The following ATXN2 variants were observed in gnomAD, a reference collection of about 807,000 sequenced individuals.
ATXN2 encodes ataxin-2.
ATXN2 carries 37 observed loss-of-function variants against 138.6 expected under a neutral mutation model. The ratio of observed to expected loss-of-function variants is 0.27; its 90% confidence interval spans 0.21 to 0.35. ATXN2 has a LOEUF of 0.35. Ranked by LOEUF, ATXN2 falls within the 10% of genes least tolerant of loss-of-function variation. The pLI is 1.00. For missense variants in ATXN2, 1,216 were observed against 1,480.3 expected (o/e 0.82, Z 2.93); for synonymous variants, 549 against 543.7 (o/e 1.01, Z -0.13).
chr12:111,456,740 G>A (rs987316834), intron 22 of ATXN2, among the ~76,000 whole-genome samples: 6 of 152,018 alleles, frequency 3.9e-5, no homozygotes, highest in Non-Finnish European at 8.8e-5. Flanking sequence ...TATCTTAAAT[G>A]TGATTTTTTT....
At chr12:111,597,140 G>C (rs1228522155) in intron 1 of ATXN2, among the ~76,000 whole-genome samples, 1 of 135,206 alleles carries the variant, frequency 7.4e-6, no homozygotes, top group Non-Finnish European at 1.6e-5. Context: ...GGATGCTTCA[G>C]ACTCAGAGAA....
chr12:111,597,323 G>A (rs1283446398), intron 1 of ATXN2, among the ~76,000 whole-genome samples: 3 of 152,186 alleles, frequency 2.0e-5, no homozygotes, highest in Admixed American at 1.3e-4. Flanking sequence ...AGAAAACTCG[G>A]GTGAATGAAA....
chr12:111,544,039 T>A (rs1250611186), intron 5 of ATXN2, among the ~76,000 whole-genome samples: 1 of 151,962 alleles, frequency 6.6e-6, no homozygotes, highest in East Asian at 1.9e-4. Context: ...ATCACACCAC[T>A]GCATTCCAGC....
intron 1 of ATXN2, chr12:111,581,393 C>G (rs561084679): frequency 1.6e-5 from 11 of 697,238 alleles, no homozygotes; most frequent in Admixed American, 3.6e-5. Context: ...ACCACAATGT[C>G]CAAACCTCTT....
chr12:111,599,188 G>A lies in ATXN2; in HGVS notation c.-154C>T, dbSNP rs781266801. 9.1e-4 allele frequency: 1,100 copies of A among 1,205,096 alleles called. 3 individuals carry two copies. Among genetic ancestry groups the A allele is most frequent in the Non-Finnish European group, 1.0e-3 (979 of 971,718 alleles). The allele number at this position is 1,205,096 out of a possible 1,614,324, so 74.7% of individuals were successfully genotyped here. ...GAGGGGCGCCCGGGCTGGCGAGGGGGAGAAGGAGGACGACGAAGGGGCGGG... is the reference window on the plus strand; with the variant it reads ...GAGGGGCGCCCGGGCTGGCGAGGGGAAGAAGGAGGACGACGAAGGGGCGGG... On this transcript the variant is annotated 5_prime_UTR_variant, in exon 1 of 25. Transcript: ENST00000673436.
intron 20 of ATXN2, among the ~76,000 whole-genome samples, chr12:111,465,793 G>T (rs867527599): frequency 1.7e-4 from 18 of 103,434 alleles, no homozygotes; most frequent in Non-Finnish European, 1.0e-4. Context: ...AAAAAAAAAA[G>T]AGTAGATGTG....
chr12:111,562,059 C>T (rs564033115), intron 1 of ATXN2, among the ~76,000 whole-genome samples: 2 of 152,010 alleles, frequency 1.3e-5, no homozygotes, highest in African/African-American at 4.8e-5. Context: ...GATCCACCCA[C>T]CTCGGCCTTC....
chr12:111,509,068 A>G (rs1325206009), intron 14 of ATXN2, among the ~76,000 whole-genome samples: 5 of 152,230 alleles, frequency 3.3e-5, no homozygotes, highest in Non-Finnish European at 7.3e-5. Flanking sequence ...AAAGAATGAA[A>G]TGACAATCAA....
chr12:111,485,904 C>G (rs1355062326), intron 16 of ATXN2, 39 bp from the exon 17 acceptor site: 2 of 1,593,556 alleles, frequency 1.3e-6, no homozygotes, highest in East Asian at 2.2e-5. Flanking sequence ...CTCAAGGTAA[C>G]AGATGAACTA....
chr12:111,500,516 G>T (rs1478674117), intron 14 of ATXN2, among the ~76,000 whole-genome samples: 1 of 152,162 alleles, frequency 6.6e-6, no homozygotes, highest in Non-Finnish European at 1.5e-5. Context: ...AGAAAATTTA[G>T]AAAGAACGAA....
Position 111,510,431 on chromosome 12 carries a change from C to T in ATXN2, c.1710G>A (p.Thr570=), listed in dbSNP as rs370020267. ...CTCTGTTCGATGCAGGACTAGCAGG[C>T]GTAGGAGATGCAGCTGGAATAGGCA... is the stretch of plus-strand genomic sequence containing the variant. ...VAMPIPAASP[T]PASPASNRAV... The change falls in exon 12 of 25, where the codon ACG becomes ACA. Residue 570 remains threonine, a synonymous_variant. Coordinates refer to ENST00000673436, the MANE Select transcript of ATXN2 (RefSeq NM_001372574.1). 27 of 1,613,866 alleles carry T rather than the reference C, an allele frequency of 1.7e-5. No individual in the cohort carries two copies. The highest frequency in any genetic ancestry group is 1.9e-5 in the Non-Finnish European group (23 of 1,180,012).
In ATXN2 at chr12:111,554,212, A is replaced by G; in HGVS notation, c.294T>C (p.Ser98=). The stretch of plus-strand genomic sequence containing the variant: ...TCATATTTGCATAGATTCCATCAAA[A>G]GAAATCTGGAATATTAAAAAAAAAA... ...SNKGLPQSTI[S]FDGIYANMRM... Residue 98 remains serine (S), a synonymous_variant, in exon 3 of 25, where the codon TCT becomes TCC. Transcript: ENST00000673436. 6.9e-7 allele frequency: 1 copy of G among 1,439,000 alleles called. No homozygotes were observed. 89.1% of individuals were successfully genotyped at this position (1,439,000 alleles called of 1,614,324 possible).
intron 1 of ATXN2, among the ~76,000 whole-genome samples, chr12:111,558,412 T>G (rs1234487004): frequency 6.6e-6 from 1 of 152,222 alleles, no homozygotes; most frequent in East Asian, 1.9e-4. Flanking sequence ...AGATCAGGTT[T>G]AACAAAACAC....
intron 18 of ATXN2, among the ~76,000 whole-genome samples, chr12:111,477,633 C>T (rs1012494272): frequency 1.3e-5 from 2 of 152,004 alleles, no homozygotes; most frequent in African/African-American, 4.8e-5. Flanking sequence ...CAAAAAAAAC[C>T]GCAGACTGGG....
In ATXN2 at chr12:111,456,107, T is replaced by C. The variant is rs139239159; in HGVS notation, c.3192A>G (p.Gln1064=). The change falls in exon 23 of 25, where the codon CAA becomes CAG. Residue 1064 remains glutamine, a synonymous_variant. Coordinates refer to ENST00000673436, the MANE Select transcript of ATXN2 (RefSeq NM_001372574.1). ...AAGGATGGATCGTAAAGACAGTCTG[T>C]TGTGCTGCTGGGAAACTATTCTGTG... ...QSPQNSFPAA[Q]QTVFTIHPSH... The C allele has an allele frequency of 4.9e-5, 79 of 1,614,044 alleles. No homozygotes were observed. The highest frequency in any genetic ancestry group is 6.2e-5 in the Non-Finnish European group (73 of 1,180,030).
chr12:111,593,120 T>C (rs1248342562), intron 1 of ATXN2, among the ~76,000 whole-genome samples: 1 of 152,086 alleles, frequency 6.6e-6, no homozygotes. Flanking sequence ...TCTCGCTCTG[T>C]TGCCCAGGCT....
At chr12:111,586,560 G>A (rs1447792475) in intron 1 of ATXN2, among the ~76,000 whole-genome samples, 1 of 151,786 alleles carries the variant, frequency 6.6e-6, no homozygotes, top group Non-Finnish European at 1.5e-5. Context: ...TAATTTTTTT[G>A]TATTTTTAGT....
At chr12:111,474,555 T>C (rs1379979196) in intron 18 of ATXN2, among the ~76,000 whole-genome samples, 5 of 152,146 alleles carry the variant, frequency 3.3e-5, no homozygotes, top group Non-Finnish European at 7.4e-5. Context: ...CAGTGAGCTA[T>C]GATTGCACTA....
intron 14 of ATXN2, among the ~76,000 whole-genome samples, chr12:111,500,677 A>G (rs1006038438): frequency 3.9e-5 from 6 of 152,204 alleles, no homozygotes; most frequent in African/African-American, 1.4e-4. Flanking sequence ...GATCAAGACC[A>G]TCCCAGCCAA....
Sources: gnomAD v4.1 joint callset for allele counts (sites outside exome capture counted in the v4.1 genomes callset) on GRCh38, gnomAD v4.1.1 for gene constraint, MANE v1.5 for transcripts, NCBI Gene and HGNC (gene_info 2026-07-23, HGNC 2026-07-21) for gene names.